IRGM: variants seen among roughly 807,000 people sequenced by gnomAD.
The protein encoded by IRGM is immunity related GTPase M, also known as immunity-related GTPase family M protein.
For synonymous variants in IRGM, 98 were observed against 80.6 expected (o/e 1.22, Z -1.16); for missense variants, 288 against 219.9 (o/e 1.31, Z -1.96).
At chr5:150,855,509 G>C (rs1224930510) in intron 1 of IRGM, among the ~76,000 whole-genome samples, 1 of 152,150 alleles carries the variant, frequency 6.6e-6, no homozygotes, top group Non-Finnish European at 1.5e-5. Context: ...TATTTAGTAG[G>C]CATATGGGAA....
At chr5:150,847,603 T>G in intron 1 of IRGM, 106 bp from the exon 2 acceptor site, 1 of 155,536 alleles carries the variant, frequency 6.4e-6, no homozygotes, top group Admixed American at 6.2e-5. Context: ...GAACACTCAG[T>G]CAAGATCGTC....
At chr5:150,897,098 T>A in intron 3 of IRGM, 1 of 699,410 alleles carries the variant, frequency 1.4e-6, no homozygotes, top group Non-Finnish European at 2.3e-6. Flanking sequence ...AAACAGGTCA[T>A]CTCAGAAGAC....
In IRGM at chr5:150,856,690, A is replaced by G. The variant is rs537858904; in HGVS notation, c.158+8036A>G. On this transcript the variant is annotated intron_variant and NMD_transcript_variant, in intron 1 of 3. Transcript: ENST00000520549. Reference sequence around the variant, plus strand: ...TTGCTATGTTTCCCAGACTGGTCTCAAACTCTTGGGCTCAAGCAATCCACC... The same window carrying G: ...TTGCTATGTTTCCCAGACTGGTCTCGAACTCTTGGGCTCAAGCAATCCACC... Among the ~76,000 whole-genome samples the G allele has an allele frequency of 9.4e-4, 142 of 151,098 alleles. 1 individual carries two copies. Among genetic ancestry groups the G allele is most frequent in the African/African-American group, 3.3e-3 (136 of 41,386 alleles).
chr5:150,882,848 A>G (rs929632259), intron 3 of IRGM, among the ~76,000 whole-genome samples: 3 of 152,168 alleles, frequency 2.0e-5, no homozygotes, highest in Non-Finnish European at 4.4e-5. Flanking sequence ...TCAGACTTAA[A>G]CTACACTTTA....
chr5:150,865,077 T>C (rs541032096), intron 1 of IRGM, among the ~76,000 whole-genome samples: 10 of 152,332 alleles, frequency 6.6e-5, no homozygotes, highest in East Asian at 1.9e-4. Flanking sequence ...CACATACCCA[T>C]GTAGAGTAAC....
intron 1 of IRGM, among the ~76,000 whole-genome samples, chr5:150,858,103 T>C (rs1754084232): frequency 6.6e-6 from 1 of 152,182 alleles, no homozygotes; most frequent in African/African-American, 2.4e-5. Flanking sequence ...AATTTTTGTA[T>C]AAGGTGTAAG....
intron 1 of IRGM, among the ~76,000 whole-genome samples, chr5:150,864,829 C>T (rs1754183769): frequency 6.6e-6 from 1 of 152,178 alleles, no homozygotes; most frequent in African/African-American, 2.4e-5. Flanking sequence ...TAGTGCTGTG[C>T]AATGGCCATA....
At chr5:150,850,470 C>T (rs954571079), downstream of IRGM, among the ~76,000 whole-genome samples, 1 of 152,120 alleles carries the variant, frequency 6.6e-6, no homozygotes, top group Non-Finnish European at 1.5e-5. Flanking sequence ...TGCATACTTG[C>T]TCATGTATAT....
intron 3 of IRGM, among the ~76,000 whole-genome samples, chr5:150,898,927 C>T (rs1754897011): frequency 1.3e-5 from 2 of 151,926 alleles, no homozygotes; most frequent in Admixed American, 6.6e-5. Context: ...CCCCCAGTAC[C>T]TCAAAATGTG....
chr5:150,889,056 T>G lies in IRGM; in HGVS notation c.*140+9410T>G, dbSNP rs1754567645. ...TTGTTTTCAAATTTCAATTTCTGATTGTTTATTGTGGAGTTTTGTCTATTG... is the reference window on the plus strand; with the variant it reads ...TTGTTTTCAAATTTCAATTTCTGATGGTTTATTGTGGAGTTTTGTCTATTG... On this transcript the variant is annotated intron_variant and NMD_transcript_variant, in intron 3 of 3. Transcript: ENST00000520549. 2.6e-5 allele frequency among the ~76,000 whole-genome samples: 4 copies of G among 152,108 alleles called. No homozygotes were observed. The South Asian group carries it at 8.3e-4, about 31-fold the overall frequency.
chr5:150,895,567 A>C (rs1184659881), intron 3 of IRGM: 1 of 1,613,450 alleles, frequency 6.2e-7, no homozygotes, highest in Non-Finnish European at 8.5e-7. Flanking sequence ...TTCTGAGAAA[A>C]GGCCTTTCCA....
chr5:150,892,950 TTCTTTTATTTTTA>T (rs1262014005), intron 3 of IRGM, among the ~76,000 whole-genome samples: 1 of 152,064 alleles, frequency 6.6e-6, no homozygotes, highest in Non-Finnish European at 1.5e-5. Context: ...TTTCTTCATC[TTCTTTTATTTTTA>T]TCATGTCCTT....
In IRGM at chr5:150,895,708, G is replaced by C. The variant is rs1337776992; in HGVS notation, c.*141-4881G>C. 3 of 1,613,470 alleles carry C rather than the reference G, an allele frequency of 1.9e-6. No homozygotes were observed. In the African/African-American group the frequency reaches 4.0e-5, roughly 22 times the overall value. ...TTTTCTCCTGTGTGAATTCTCTGAT[G>C]TCCAATGAGATGTGACTTCTGGCAG... On this transcript the variant is annotated intron_variant and NMD_transcript_variant, in intron 3 of 3. Coordinates refer to the IRGM transcript ENST00000520549.
chr5:150,897,920 C>A, intron 3 of IRGM: 1 of 930,416 alleles, frequency 1.1e-6, no homozygotes, highest in Non-Finnish European at 1.6e-6. Flanking sequence ...AATAGAACTC[C>A]TCTGAAAGGC....
At chr5:150,855,242 A>G (rs1754034049) in intron 1 of IRGM, among the ~76,000 whole-genome samples, 2 of 152,228 alleles carry the variant, frequency 1.3e-5, no homozygotes, top group African/African-American at 2.4e-5. Context: ...GAAATTCAAC[A>G]TGCAGAGTAA....
intron 1 of IRGM, among the ~76,000 whole-genome samples, chr5:150,854,742 C>G (rs993421424): frequency 2.6e-5 from 4 of 152,048 alleles, no homozygotes; most frequent in Admixed American, 6.6e-5. Flanking sequence ...TTTTAAGATT[C>G]TATTAGTCTT....
intron 1 of IRGM, among the ~76,000 whole-genome samples, chr5:150,858,357 T>C (rs895722020): frequency 3.2e-4 from 48 of 152,312 alleles, no homozygotes; most frequent in African/African-American, 1.1e-3. Flanking sequence ...AGTCAGGTAG[T>C]GCGATGCCTC....
At chr5:150,858,022 T>G (rs961763780) in intron 1 of IRGM, among the ~76,000 whole-genome samples, 32 of 152,288 alleles carry the variant, frequency 2.1e-4, no homozygotes, top group Non-Finnish European at 4.3e-4. Flanking sequence ...CTGAATGGTA[T>G]TGCCTAGGTT....
Position 150,847,741 on chromosome 5 carries a change from T to TCCAAAGTGC in IRGM, c.-381_-380insAAAGTGCCC. On this transcript the variant is annotated 5_prime_UTR_variant, in exon 2 of 2. Coordinates refer to ENST00000522154, the MANE Select transcript of IRGM (RefSeq NM_001145805.2). ...CAGTGCCCACAGATACGACAGAGTG[T>TCCAAAGTGC]CCCAAGTGCCCCTCACACTCTATTA... The TCCAAAGTGC allele has an allele frequency of 5.0e-6, 1 of 199,070 alleles. No homozygotes were observed. The highest frequency in any genetic ancestry group is 1.0e-5 in the Non-Finnish European group (1 of 95,726). 12.3% of individuals were successfully genotyped at this position (199,070 alleles called of 1,614,324 possible).
Sources: allele counts gnomAD v4.1 joint callset (sites outside exome capture counted in the v4.1 genomes callset), GRCh38; gene constraint gnomAD v4.1.1; transcripts MANE v1.5; gene names NCBI Gene and HGNC (gene_info 2026-07-23, HGNC 2026-07-21).